UNC80: variants seen among roughly 807,000 people sequenced by gnomAD.
UNC80 encodes the protein unc-80 subunit of NALCN channel complex, also known as protein unc-80 homolog.
A neutral mutation model predicts 384.6 loss-of-function variants in UNC80; 164 were observed. The observed-to-expected ratio is 0.43, with a 90% CI of 0.38 to 0.49. The LOEUF (loss-of-function observed/expected upper bound fraction) is 0.49. UNC80 is among the 20% of genes least tolerant of loss of function. The pLI, the probability that UNC80 is intolerant of heterozygous loss-of-function variation, is 0.00. For missense variants in UNC80, 3,330 were observed against 4,143.0 expected, an observed-to-expected ratio of 0.80 and a Z score of 5.39; for synonymous variants, 1,486 against 1,527.8, an observed-to-expected ratio of 0.97 and a Z score of 0.64.
intron 46 of UNC80, 115 bp downstream of exon 46, chr2:209,945,304 C>T (rs2091861523): frequency 3.7e-6 from 4 of 1,080,080 alleles, no homozygotes; most frequent in Non-Finnish European, 5.0e-6. Flanking sequence ...ATAACTAAAT[C>T]AAAGTAGCAA....
chr2:209,864,248 G>A (rs2083548813), intron 22 of UNC80, among the ~76,000 whole-genome samples: 2 of 151,958 alleles, frequency 1.3e-5, no homozygotes, highest in African/African-American at 4.8e-5. Context: ...GACCTCGAGG[G>A]GCACCAACCT....
intron 28 of UNC80, 64 bp from the exon 29 acceptor site, chr2:209,904,701 A>C: frequency 6.5e-6 from 9 of 1,392,134 alleles, no homozygotes; most frequent in South Asian, 1.2e-5. Context: ...TCCACCCCAT[A>C]GATATGTTCA....
intron 7 of UNC80, among the ~76,000 whole-genome samples, chr2:209,807,364 ATTT>A (rs11291744): frequency 7.9e-5 from 8 of 101,074 alleles, no homozygotes; most frequent in East Asian, 2.9e-4. Context: ...CCCTCATGTC[ATTT>A]TTTTTTTTTT....
intron 22 of UNC80, among the ~76,000 whole-genome samples, chr2:209,869,430 C>T (rs746279918): frequency 6.6e-6 from 1 of 152,154 alleles, no homozygotes; most frequent in African/African-American, 2.4e-5. Flanking sequence ...ACATTGCAAA[C>T]TCAGCAAACT....
At chr2:209,826,592 A>G (rs971777587) in intron 14 of UNC80, among the ~76,000 whole-genome samples, 2 of 152,128 alleles carry the variant, frequency 1.3e-5, no homozygotes, top group Non-Finnish European at 2.9e-5. Flanking sequence ...TGAATATTTG[A>G]GATCATGTCC....
intron 29 of UNC80, among the ~76,000 whole-genome samples, chr2:209,908,942 A>C (rs1176171173): frequency 2.0e-5 from 3 of 152,218 alleles, no homozygotes; most frequent in African/African-American, 7.2e-5. Context: ...AGAGCCCAGT[A>C]GGCTGACTTC....
intron 39 of UNC80, 105 bp downstream of exon 39, chr2:209,934,110 C>A: frequency 8.8e-7 from 1 of 1,141,190 alleles, no homozygotes; most frequent in Non-Finnish European, 1.2e-6. Flanking sequence ...TTTCAGAGTT[C>A]TAACCCCCAG....
chr2:209,957,787 G>C (rs573487177), intron 49 of UNC80, 51 bp downstream of exon 49: 9 of 1,510,298 alleles, frequency 6.0e-6, no homozygotes, highest in Non-Finnish European at 8.1e-6. Context: ...CATACAACCC[G>C]AATGTCAGCT....
chr2:209,838,337 G>T (rs2081489208), intron 18 of UNC80, among the ~76,000 whole-genome samples: 1 of 149,602 alleles, frequency 6.7e-6, no homozygotes, highest in Admixed American at 6.7e-5. Flanking sequence ...TACTTCAGCT[G>T]CCTATGTTTT....
At chr2:209,804,591 A>G (rs1405369439) in intron 7 of UNC80, among the ~76,000 whole-genome samples, 1 of 152,046 alleles carries the variant, frequency 6.6e-6, no homozygotes, top group Non-Finnish European at 1.5e-5. Context: ...AAAAATCCAC[A>G]TCTACAAATC....
At chr2:209,800,494 A>T (rs1253806201) in intron 7 of UNC80, among the ~76,000 whole-genome samples, 1 of 143,582 alleles carries the variant, frequency 7.0e-6, no homozygotes, top group African/African-American at 2.7e-5. Context: ...TGTTATTTAA[A>T]AAAAAAAAAA....
chr2:209,958,451 A>G (rs775927796), intron 49 of UNC80, among the ~76,000 whole-genome samples: 6 of 152,190 alleles, frequency 3.9e-5, no homozygotes, highest in East Asian at 3.8e-4. Flanking sequence ...TCTGAAGCCT[A>G]TTTTTAAGTG....
intron 22 of UNC80, among the ~76,000 whole-genome samples, chr2:209,858,116 T>C (rs1450738203): frequency 2.0e-5 from 3 of 152,202 alleles, no homozygotes; most frequent in Non-Finnish European, 4.4e-5. Context: ...TTGAAATCCC[T>C]CACAATGATG....
intron 7 of UNC80, chr2:209,808,760 G>T (rs1207520948): frequency 1.1e-4 from 5 of 43,682 alleles, no homozygotes; most frequent in Non-Finnish European, 1.5e-4. Flanking sequence ...TGGGTCGCCT[G>T]CGCTACTTCT....
rs1309611798 is a variant in UNC80, at chr2:209,786,178, A to G, written c.713A>G (p.Asn238Ser). The change falls in exon 5 of 65, where the codon AAC (asparagine) becomes AGC (serine). Residue 238 changes from asparagine (N) to serine (S), a missense_variant. Coordinates refer to ENST00000673920, the MANE Select transcript of UNC80 (RefSeq NM_001371986.1). Reference sequence around the variant, plus strand: ...ACCGCACTGGTGAAGCCCATCAGGAACATCATTACAGGTTTGTAACTTGGA... The same window carrying G: ...ACCGCACTGGTGAAGCCCATCAGGAGCATCATTACAGGTTTGTAACTTGGA... ...GFTALVKPIR[N>S]IITAKRSSPI... The G allele has an allele frequency of 3.7e-6, 6 of 1,613,646 alleles. No homozygotes were observed. Among genetic ancestry groups the G allele is most frequent in the African/African-American group, 1.3e-5 (1 of 74,896 alleles).
rs1440874274 is a variant in UNC80 at position 209,976,259 on chromosome 2, C to T, written c.8728C>T (p.Arg2910Ter). Reference sequence around the variant, plus strand: ...TTTCCTCGACTTCATCGTGCGGACCCGAATACCCATCTTTGTGCTTTTGCG... The same window carrying T: ...TTTCCTCGACTTCATCGTGCGGACCTGAATACCCATCTTTGTGCTTTTGCG... ...WDFLDFIVRTRIPIFVLLRPF... is the reference protein window; with the variant it reads ...WDFLDFIVRT The change falls in exon 57 of 65, where the codon CGA (arginine) becomes TGA (stop). Residue 2910 changes from arginine to a stop codon, truncating the protein, a stop_gained. Coordinates refer to ENST00000673920, the MANE Select transcript of UNC80 (RefSeq NM_001371986.1). LOFTEE classifies it high-confidence loss of function. The surrounding 1 kb of genome is among the most constrained non-coding windows in gnomAD (Gnocchi z 4.3). 7 of 1,551,666 alleles carry T rather than the reference C, an allele frequency of 4.5e-6. No individual in the cohort carries two copies. Among genetic ancestry groups the T allele is most frequent in the Middle Eastern group, 1.7e-4 (1 of 5,994 alleles).
intron 61 of UNC80, among the ~76,000 whole-genome samples, chr2:209,986,978 A>G (rs2093302661): frequency 6.6e-6 from 1 of 152,204 alleles, no homozygotes; most frequent in East Asian, 1.9e-4. Context: ...CTGAAGTAGT[A>G]AGGCATTAAC....
chr2:209,979,439 G>A (rs772091172), intron 59 of UNC80, among the ~76,000 whole-genome samples: 19 of 152,310 alleles, frequency 1.2e-4, no homozygotes, highest in Non-Finnish European at 2.4e-4. Flanking sequence ...AAAGTGAGCC[G>A]TGTATATGCC....
Position 209,993,375 on chromosome 2 carries a change from G to T in UNC80, c.9457G>T (p.Ala3153Ser), listed in dbSNP as rs1199076851. The change falls in exon 63 of 65, where the codon GCT (alanine) becomes TCT (serine). Residue 3153 changes from alanine to serine, a missense_variant. Ala to Ser is a moderately conservative substitution (Grantham distance 99). Coordinates refer to ENST00000673920, the MANE Select transcript of UNC80 (RefSeq NM_001371986.1). ...GACTGAACCCAGAAATCGCCAAGGG[G>T]CTCGGCTGTCAACCACTCGCAGGAG... ...TQTEPRNRQG[A>S]RLSTTRRSIQ... 1.3e-6 allele frequency: 2 copies of T among 1,551,746 alleles called. No individual in the cohort carries two copies. The highest frequency in any genetic ancestry group is 1.2e-5 in the South Asian group (1 of 84,042).
Sources: gnomAD v4.1 joint callset for allele counts (sites outside exome capture counted in the v4.1 genomes callset) on GRCh38, gnomAD v4.1.1 for gene constraint, Gnocchi (gnomAD v3.1) non-coding constraint, MANE v1.5 for transcripts, NCBI Gene and HGNC (gene_info 2026-07-23, HGNC 2026-07-21) for gene names.